BACH2: variants seen among roughly 807,000 people sequenced by gnomAD.
The protein encoded by BACH2 is BACH transcriptional regulator 2.
A neutral mutation model predicts 61.8 loss-of-function variants in BACH2; 5 were observed. That is an observed-to-expected ratio of 0.08 (90% CI 0.04 to 0.17). The LOEUF (loss-of-function observed/expected upper bound fraction) is 0.17, where lower values mean the gene tolerates loss of function less well. Among genes scored for constraint, BACH2 ranks in the 10% least tolerant of loss-of-function variants. The pLI is 1.00. For missense variants in BACH2, 824 were observed against 1,091.1 expected (o/e 0.76, Z 3.45); for synonymous variants, 446 against 440.1 (o/e 1.01, Z -0.17).
chr6:90,268,422 T>C (rs2127879930), intron 2 of BACH2, among the ~76,000 whole-genome samples: 1 of 152,324 alleles, frequency 6.6e-6, no homozygotes, highest in South Asian at 2.1e-4. Context: ...GTTGTATATA[T>C]TCTGTCCAAC....
chr6:89,942,572 G>A (rs1433028436), intron 7 of BACH2, among the ~76,000 whole-genome samples: 1 of 152,192 alleles, frequency 6.6e-6, no homozygotes, highest in African/African-American at 2.4e-5. Flanking sequence ...CAGCCAATGT[G>A]ATGAGGTGAA....
chr6:90,268,018 T>G (rs564619178), intron 2 of BACH2, among the ~76,000 whole-genome samples: 10 of 151,344 alleles, frequency 6.6e-5, no homozygotes, highest in Admixed American at 1.3e-4. Context: ...TTGTTTTTTT[T>G]TTTTTTTCAA....
At chr6:90,292,247 C>T (rs914549013) in intron 1 of BACH2, among the ~76,000 whole-genome samples, 6 of 152,184 alleles carry the variant, frequency 3.9e-5, no homozygotes, top group East Asian at 1.9e-4. Flanking sequence ...TGGGCAGGCA[C>T]GACACCTACT....
chr6:89,964,493 G>A (rs1175616791), intron 6 of BACH2, among the ~76,000 whole-genome samples: 6 of 152,052 alleles, frequency 3.9e-5, no homozygotes, highest in Non-Finnish European at 5.9e-5. Context: ...ATTTTGGACC[G>A]TACAAAATCT....
Position 90,175,139 on chromosome 6 carries a change from AAAG to A in BACH2, c.-162+31427_-162+31429del, listed in dbSNP as rs141260647. Among the ~76,000 whole-genome samples, 1,083 of 152,290 alleles carry A rather than the reference AAAG, an allele frequency of 7.1e-3. 17 individuals carry two copies. Among genetic ancestry groups the A allele is most frequent in the African/African-American group, 0.025 (1,019 of 41,578 alleles). On this transcript the variant is annotated intron_variant, in intron 4 of 8. Coordinates refer to ENST00000257749, the MANE Select transcript of BACH2 (RefSeq NM_021813.4). ...ACATGTATGATATACTTCATAATCT[AAAG>A]AAGTAAATGAACCTGAGTGAACTTT...
At chr6:89,964,033 A>T (rs1774901401) in intron 6 of BACH2, among the ~76,000 whole-genome samples, 1 of 152,120 alleles carries the variant, frequency 6.6e-6, no homozygotes, top group African/African-American at 2.4e-5. Flanking sequence ...AGGAAGGTGA[A>T]TATCACACTC....
At chr6:89,957,352 C>T (rs1188372652) in intron 6 of BACH2, among the ~76,000 whole-genome samples, 2 of 152,324 alleles carry the variant, frequency 1.3e-5, no homozygotes, top group African/African-American at 4.8e-5. Flanking sequence ...AATTAATTCA[C>T]CTTACTATTT....
chr6:90,176,127 T>A (rs1767976139), intron 4 of BACH2, among the ~76,000 whole-genome samples: 1 of 152,220 alleles, frequency 6.6e-6, no homozygotes, highest in South Asian at 2.1e-4. Flanking sequence ...CTATGGGACC[T>A]GTGAATGTAA....
chr6:90,008,496 C>T lies in BACH2; in HGVS notation c.243+106G>A. 7.0e-7 allele frequency: 1 copy of T among 1,427,404 alleles called. No homozygotes were observed. Among genetic ancestry groups the T allele is most frequent in the Non-Finnish European group, 9.6e-7 (1 of 1,040,836 alleles). The allele number at this position is 1,427,404 out of a possible 1,614,324, so 88.4% of individuals were successfully genotyped here. On this transcript the variant is annotated intron_variant, in intron 6 of 8. Transcript: ENST00000257749. This position sits in a 1 kb window ranked among gnomAD's most constrained non-coding sequence, Gnocchi z 4.1. ...CTAACATGTGACTTGGACATCAACTCCTGAGTGGGGACATGGCACCTAGTA... is the reference window on the plus strand; with the variant it reads ...CTAACATGTGACTTGGACATCAACTTCTGAGTGGGGACATGGCACCTAGTA...
At chr6:89,995,742 T>C (rs908381844) in intron 6 of BACH2, among the ~76,000 whole-genome samples, 2 of 152,154 alleles carry the variant, frequency 1.3e-5, no homozygotes, top group Non-Finnish European at 2.9e-5. Flanking sequence ...TGAGAACAAG[T>C]GCTTTGTCCT....
rs968890906 is a variant in BACH2, at chr6:89,928,827, C to G, written c.*3581G>C. 1 of 151,894 alleles carries G rather than the reference C, an allele frequency of 6.6e-6. No homozygotes were observed. Among genetic ancestry groups the G allele is most frequent in the African/African-American group, 2.4e-5 (1 of 41,142 alleles). 9.4% of individuals were successfully genotyped at this position (151,894 alleles called of 1,614,324 possible). A position where few individuals can be genotyped will look rare whatever the true frequency, so the allele number is the denominator to read the frequency against. On this transcript the variant is annotated 3_prime_UTR_variant, in exon 9 of 9. Transcript: ENST00000257749. ...GATGCCTGAGTCATTGCTGGGAACT[C>G]AGAAGATAAATAGCAGGATGGCCTC...
intron 4 of BACH2, among the ~76,000 whole-genome samples, chr6:90,183,852 T>C (rs961750536): frequency 1.3e-5 from 2 of 152,314 alleles, no homozygotes; most frequent in East Asian, 1.9e-4. Context: ...CAATTAGGCA[T>C]GTACTTCATG....
rs1454528086 is a variant in BACH2 at position 90,154,890 on chromosome 6, G to T, written c.-162+51679C>A. 6.6e-5 allele frequency among the ~76,000 whole-genome samples: 10 copies of T among 152,130 alleles called. 1 individual carries two copies. The highest frequency in any genetic ancestry group is 5.9e-5 in the Non-Finnish European group (4 of 68,024). On this transcript the variant is annotated intron_variant, in intron 4 of 8. Transcript: ENST00000257749. ...CCACAGACAATGGGATAACCCACAT[G>T]CTGGCCCCTCCCAGTCAGCTACCAA...
At chr6:90,118,339 T>A (rs958444775) in intron 4 of BACH2, among the ~76,000 whole-genome samples, 2 of 152,178 alleles carry the variant, frequency 1.3e-5, no homozygotes, top group Admixed American at 6.5e-5. Context: ...ATCTTGATAC[T>A]CCACAAGTAA....
In BACH2 at chr6:89,989,931, G is replaced by C. The variant is rs190973257; in HGVS notation, c.243+18671C>G. On this transcript the variant is annotated intron_variant, in intron 6 of 8. Transcript: ENST00000257749. Reference sequence around the variant, plus strand: ...ATGTGTGTCCCTCATGGACTCATGCGTGGGGCATAGAAGGAAGAGAAATTT... The same window carrying C: ...ATGTGTGTCCCTCATGGACTCATGCCTGGGGCATAGAAGGAAGAGAAATTT... Among the ~76,000 whole-genome samples the C allele has an allele frequency of 1.1e-4, 16 of 152,294 alleles. No individual in the cohort carries two copies. In the South Asian group the frequency reaches 3.3e-3, roughly 32 times the overall value.
chr6:90,031,641 A>T (rs562712892), intron 5 of BACH2, among the ~76,000 whole-genome samples: 7 of 152,166 alleles, frequency 4.6e-5, no homozygotes, highest in African/African-American at 7.2e-5. Context: ...GGAATCCAAC[A>T]TACAAGGGAT....
chr6:90,271,823 A>G (rs1407013835), intron 2 of BACH2, 26 bp downstream of exon 2: 2 of 152,372 alleles, frequency 1.3e-5, no homozygotes, highest in Non-Finnish European at 2.9e-5. Flanking sequence ...TATGAAACAA[A>G]GACCAAGCTG....
intron 5 of BACH2, among the ~76,000 whole-genome samples, chr6:90,070,537 C>T (rs527425871): frequency 1.3e-5 from 2 of 152,292 alleles, no homozygotes; most frequent in East Asian, 3.9e-4. Flanking sequence ...GACTGTAATT[C>T]TGCATGGAGT....
intron 4 of BACH2, among the ~76,000 whole-genome samples, chr6:90,138,660 G>A (rs894289474): frequency 5.9e-5 from 9 of 151,820 alleles, no homozygotes; most frequent in African/African-American, 1.9e-4. Context: ...TTACTGAGGC[G>A]AATTCATTAA....
Sources: gnomAD v4.1 joint callset for allele counts (sites outside exome capture counted in the v4.1 genomes callset) on GRCh38, gnomAD v4.1.1 for gene constraint, Gnocchi (gnomAD v3.1) non-coding constraint, MANE v1.5 for transcripts, NCBI Gene and HGNC (gene_info 2026-07-23, HGNC 2026-07-21) for gene names.